The following TNKS1BP1 variants were observed in gnomAD, a reference collection of about 807,000 sequenced individuals.
TNKS1BP1 encodes the protein 182 kDa tankyrase-1-binding protein.
Under a neutral mutation model 141.1 loss-of-function variants are expected in TNKS1BP1, and 48 were observed. The observed-to-expected ratio is 0.34, with a 90% CI of 0.27 to 0.43. The LOEUF (loss-of-function observed/expected upper bound fraction) is 0.43. Among genes scored for constraint, TNKS1BP1 ranks in the 20% least tolerant of loss-of-function variants. TNKS1BP1 has a pLI of 1.00. For synonymous variants in TNKS1BP1, 875 were observed against 898.2 expected (o/e 0.97, Z 0.46); for missense variants, 2,149 against 2,226.0 (o/e 0.97, Z 0.70).
Position 57,312,770 on chromosome 11 carries a change from G to A in TNKS1BP1, c.1918C>T (p.Pro640Ser). The change falls in exon 5 of 12, where the codon CCT (proline) becomes TCT (serine). Residue 640 changes from proline (P) to serine (S), a missense_variant. Coordinates refer to ENST00000358252, the MANE Select transcript of TNKS1BP1 (RefSeq NM_033396.3). ...PCVLFADAPE[P>S]GQALPVEEEA... ...TCCTCAACAGGCAGTGCCTGTCCAG[G>A]CTCAGGGGCATCAGCAAAGAGAACA... 6.2e-7 allele frequency: 1 copy of A among 1,606,548 alleles called. No homozygotes were observed. The highest frequency in any genetic ancestry group is 8.5e-7 in the Non-Finnish European group (1 of 1,175,750).
At chr11:57,313,959 C>T (rs1855759672) in intron 4 of TNKS1BP1, 70 bp from the exon 5 acceptor site, 1 of 1,382,452 alleles carries the variant, frequency 7.2e-7, no homozygotes, top group South Asian at 1.7e-5. Context: ...CCCTCCGACC[C>T]CACACAGACC....
In TNKS1BP1 at chr11:57,308,588, C is replaced by G; in HGVS notation, c.4123G>C (p.Glu1375Gln). Residue 1375 changes from glutamate to glutamine, a missense_variant, in exon 6 of 12, where the codon GAG becomes CAG. Glu to Gln is a conservative substitution (Grantham distance 29, BLOSUM62 2). Coordinates refer to ENST00000358252, the MANE Select transcript of TNKS1BP1 (RefSeq NM_033396.3). The stretch of plus-strand genomic sequence containing the variant: ...CTGCCATTGTGCCTCAGGCCGGGCT[C>G]TGGGCACTGGCTCACCCCGCCCACC... The part of the protein sequence containing the change: ...HGVGGVSQCP[E>Q]PGLRHNGSLS... The G allele has an allele frequency of 6.2e-7, 1 of 1,614,128 alleles. No individual in the cohort carries two copies. The highest frequency in any genetic ancestry group is 8.5e-7 in the Non-Finnish European group (1 of 1,180,016).
rs757070601 is a variant in TNKS1BP1 at position 57,312,774 on chromosome 11, A to G, written c.1914T>C (p.Pro638=). 1.2e-6 allele frequency: 2 copies of G among 1,607,388 alleles called. No individual in the cohort carries two copies. Among genetic ancestry groups the G allele is most frequent in the South Asian group, 2.2e-5 (2 of 89,996 alleles). The part of the protein sequence containing the change: ...DQPCVLFADA[P]EPGQALPVEE... ...CAACAGGCAGTGCCTGTCCAGGCTCAGGGGCATCAGCAAAGAGAACACAGG... is the reference window on the plus strand; with the variant it reads ...CAACAGGCAGTGCCTGTCCAGGCTCGGGGGCATCAGCAAAGAGAACACAGG... The change falls in exon 5 of 12, where the codon CCT becomes CCC. Residue 638 remains proline (P), a synonymous_variant. Transcript: ENST00000358252.
rs749612166 is a variant in TNKS1BP1, at chr11:57,309,461, G to C, written c.3250C>G (p.Arg1084Gly). 3.1e-6 allele frequency: 5 copies of C among 1,613,838 alleles called. No individual in the cohort carries two copies. In the African/African-American group the frequency reaches 6.7e-5, roughly 22 times the overall value. Reference protein sequence around the residue: ...ADLEDGEMGKRGWVGEFSLSV... With the variant: ...ADLEDGEMGKGGWVGEFSLSV... ...AGGCTAAACTCACCGACCCAGCCTC[G>C]CTTTCCCATCTCCCCATCTTCCAGG... The change falls in exon 6 of 12, where the codon CGA becomes GGA. Residue 1084 changes from arginine (R) to glycine (G), a missense_variant. Coordinates refer to ENST00000358252, the MANE Select transcript of TNKS1BP1 (RefSeq NM_033396.3). This position sits in a 1 kb window ranked among gnomAD's most constrained non-coding sequence, Gnocchi z 4.3.
intron 1 of TNKS1BP1, among the ~76,000 whole-genome samples, chr11:57,324,236 C>T (rs549620470): frequency 6.6e-6 from 1 of 152,328 alleles, no homozygotes; most frequent in South Asian, 2.1e-4. Context: ...AGCACGTAAA[C>T]TGCTGGAAAG....
At chr11:57,310,919 C>T (rs1419234946) in intron 5 of TNKS1BP1, among the ~76,000 whole-genome samples, 1 of 152,214 alleles carries the variant, frequency 6.6e-6, no homozygotes, top group Non-Finnish European at 1.5e-5. Context: ...ACAGGAATGG[C>T]AGGCAGTGCA....
At chr11:57,320,939 C>T (rs1292504116) in intron 2 of TNKS1BP1, among the ~76,000 whole-genome samples, 2 of 152,210 alleles carry the variant, frequency 1.3e-5, no homozygotes, top group Non-Finnish European at 2.9e-5. Flanking sequence ...TAGCCAATTC[C>T]CCTTTTAAGC....
intron 6 of TNKS1BP1, among the ~76,000 whole-genome samples, chr11:57,306,802 C>T (rs942677385): frequency 1.3e-5 from 2 of 151,922 alleles, no homozygotes; most frequent in East Asian, 1.9e-4. Flanking sequence ...TCACAATCCC[C>T]GCCCCACCTC....
chr11:57,310,320 G>A lies in TNKS1BP1; in HGVS notation c.2391C>T (p.Gly797=). The A allele has an allele frequency of 6.2e-7, 1 of 1,613,916 alleles. No homozygotes were observed. Among genetic ancestry groups the A allele is most frequent in the African/African-American group, 1.3e-5 (1 of 75,018 alleles). The change falls in exon 6 of 12, where the codon GGC becomes GGT. Residue 797 remains glycine, a synonymous_variant. Transcript: ENST00000358252. ...TREWASRCGI[G]QEEMEASSSQ... ...TGCTGCTGGCCTCCATCTCCTCCTG[G>A]CCGATGCCACACCTGCTGGCCCACT...
In TNKS1BP1 at chr11:57,310,400, C is replaced by G. The variant is rs775546484; in HGVS notation, c.2311G>C (p.Glu771Gln). The G allele has an allele frequency of 6.2e-7, 1 of 1,614,094 alleles. No homozygotes were observed. The highest frequency in any genetic ancestry group is 1.7e-5 in the Admixed American group (1 of 60,028). ...CCATACTTGCTGGTCCAGTCCCTCT[C>G]TCCGAGACCTGGGTCTCCTCTAGGG... ...ASPRGDPGLG[E>Q]RDWTSKYGQG... The change falls in exon 6 of 12, where the codon GAG becomes CAG. Residue 771 changes from glutamate (E) to glutamine (Q), a missense_variant. Physicochemically the swap from Glu to Gln is conservative, Grantham distance 29. Transcript: ENST00000358252.
intron 6 of TNKS1BP1, among the ~76,000 whole-genome samples, chr11:57,308,057 C>T (rs943014331): frequency 2.0e-5 from 3 of 152,190 alleles, no homozygotes; most frequent in Admixed American, 6.5e-5. Context: ...GCCTGGGGAA[C>T]GGCTACTGTG....
chr11:57,309,500 G>A lies in TNKS1BP1; in HGVS notation c.3211C>T (p.Pro1071Ser). Reference protein sequence around the residue: ...QERQQAGAQGPGSADLEDGEM... With the variant: ...QERQQAGAQGSGSADLEDGEM... ...CCATCTTCCAGGTCAGCACTGCCAGGGCCCTGAGCCCCTGCCTGCTGTCTC... is the reference window on the plus strand; with the variant it reads ...CCATCTTCCAGGTCAGCACTGCCAGAGCCCTGAGCCCCTGCCTGCTGTCTC... Residue 1071 changes from proline to serine, a missense_variant, in exon 6 of 12, where the codon CCT (proline) becomes TCT (serine). Pro to Ser is a moderately conservative substitution (Grantham distance 74). Transcript: ENST00000358252. This position sits in a 1 kb window ranked among gnomAD's most constrained non-coding sequence, Gnocchi z 4.3. 6.2e-7 allele frequency: 1 copy of A among 1,613,848 alleles called. No individual in the cohort carries two copies.
chr11:57,315,397 C>T (rs1855783143), intron 4 of TNKS1BP1, among the ~76,000 whole-genome samples: 1 of 152,058 alleles, frequency 6.6e-6, no homozygotes, highest in African/African-American at 2.4e-5. Context: ...TTACTCAACA[C>T]TCAACTCCCT....
At chr11:57,315,482 C>T (rs1467291422) in intron 4 of TNKS1BP1, among the ~76,000 whole-genome samples, 2 of 152,118 alleles carry the variant, frequency 1.3e-5, no homozygotes, top group Non-Finnish European at 2.9e-5. Flanking sequence ...TAGCCCAGCA[C>T]CTGAGTAGCT....
intron 5 of TNKS1BP1, chr11:57,311,394 G>A (rs1855708274): frequency 2.0e-6 from 2 of 985,560 alleles, no homozygotes; most frequent in African/African-American, 1.7e-5. Context: ...CCTTGGGGCT[G>A]CTGGGTGCGG....
In TNKS1BP1 at chr11:57,312,592, G is replaced by A. The variant is rs1456045418; in HGVS notation, c.2096C>T (p.Ala699Val). 1 of 1,523,452 alleles carries A rather than the reference G, an allele frequency of 6.6e-7. No individual in the cohort carries two copies. Among genetic ancestry groups the A allele is most frequent in the South Asian group, 1.3e-5 (1 of 75,528 alleles). 94.4% of individuals were successfully genotyped at this position (1,523,452 alleles called of 1,614,324 possible). ...LASPPPSGGGARRGAGAELKD... is the reference protein window; with the variant it reads ...LASPPPSGGGVRRGAGAELKD... ...CAGCTCAGCTCCAGCTCCCCGCCTT[G>A]CACCGCCACCACTGGGTGGTGGTGA... The change falls in exon 5 of 12, where the codon GCA becomes GTA. Residue 699 changes from alanine to valine, a missense_variant. Physicochemically the swap from Ala to Val is moderately conservative, Grantham distance 64. Coordinates refer to ENST00000358252, the MANE Select transcript of TNKS1BP1 (RefSeq NM_033396.3).
Position 57,302,802 on chromosome 11 carries a change from G to T in TNKS1BP1, c.4340C>A (p.Pro1447His). Residue 1447 changes from proline to histidine, a missense_variant, in exon 7 of 12, where the codon CCC (proline) becomes CAC (histidine). Transcript: ENST00000358252. The surrounding 1 kb of genome is among the most constrained non-coding windows in gnomAD (Gnocchi z 5.5). ...GASPGRCPAR[P>H]PPSGSQGLLE... ...CAGGCCCTGGGAGCCGGAGGGTGGG[G>T]GGCGGGCCGGGCACCTGCCAGGGCT... 1 of 1,539,966 alleles carries T rather than the reference G, an allele frequency of 6.5e-7. No homozygotes were observed. The highest frequency in any genetic ancestry group is 2.3e-5 in the East Asian group (1 of 43,564).
At chr11:57,303,933 C>T (rs1483762562) in intron 6 of TNKS1BP1, among the ~76,000 whole-genome samples, 2 of 152,152 alleles carry the variant, frequency 1.3e-5, no homozygotes, top group African/African-American at 4.8e-5. Flanking sequence ...CTCTCACTAA[C>T]TCATACTGCC....
rs4939133 is a variant in TNKS1BP1 at position 57,311,438 on chromosome 11, C to T, written c.2155-882G>A. 4.2e-3 allele frequency: 4,130 copies of T among 985,852 alleles called. 10 individuals are homozygous for T. The highest frequency in any genetic ancestry group is 4.7e-3 in the Non-Finnish European group (3,865 of 830,306). The allele number at this position is 985,852 out of a possible 1,614,324, so 61.1% of individuals were successfully genotyped here. On this transcript the variant is annotated intron_variant, in intron 5 of 11. Coordinates refer to ENST00000358252, the MANE Select transcript of TNKS1BP1 (RefSeq NM_033396.3). ...GCGCAGGGATAGAGCTGGGCTGCTA[C>T]CCGCGCTGGGACCTGTCCGACGGCT...
Sources: gnomAD v4.1 joint callset for allele counts (sites outside exome capture counted in the v4.1 genomes callset) on GRCh38, gnomAD v4.1.1 for gene constraint, Gnocchi (gnomAD v3.1) non-coding constraint, MANE v1.5 for transcripts, NCBI Gene and HGNC (gene_info 2026-07-23, HGNC 2026-07-21) for gene names.